Variants in CNTN4 observed in about 807,000 individuals in gnomAD.
CNTN4 encodes the protein contactin-4.
Under a neutral mutation model 122.5 loss-of-function variants are expected in CNTN4, and 77 were observed. That is an observed-to-expected ratio of 0.63 (90% CI 0.52 to 0.76). The LOEUF (loss-of-function observed/expected upper bound fraction) is 0.76. Among genes scored for constraint, CNTN4 ranks in the 30% least tolerant of loss-of-function variants. The pLI, the probability that CNTN4 is intolerant of heterozygous loss-of-function variation, is 0.00. For synonymous variants in CNTN4, 512 were observed against 447.0 expected, an observed-to-expected ratio of 1.15 and a Z score of -1.83; for missense variants, 1,256 against 1,259.1, an observed-to-expected ratio of 1.00 and a Z score of 0.04.
chr3:2,639,424 CCTT>C (rs1359275866), intron 4 of CNTN4, among the ~76,000 whole-genome samples: 2 of 152,174 alleles, frequency 1.3e-5, no homozygotes, highest in African/African-American at 4.8e-5. Flanking sequence ...TCAGACCTCA[CCTT>C]CTTAATGAAG....
chr3:2,275,538 AAATTCAC>A (rs2041472861), intron 2 of CNTN4, among the ~76,000 whole-genome samples: 4 of 152,152 alleles, frequency 2.6e-5, no homozygotes, highest in Admixed American at 2.6e-4. Context: ...TATTAATGTG[AAATTCAC>A]AATTATATAT....
chr3:2,405,532 A>G (rs1398433869), intron 3 of CNTN4, among the ~76,000 whole-genome samples: 1 of 152,174 alleles, frequency 6.6e-6, no homozygotes, highest in Non-Finnish European at 1.5e-5. Flanking sequence ...ATTAATAACT[A>G]TAGTTATTTA....
At chr3:2,405,586 T>G (rs1223255708) in intron 3 of CNTN4, among the ~76,000 whole-genome samples, 1 of 122,326 alleles carries the variant, frequency 8.2e-6, no homozygotes, top group African/African-American at 2.9e-5. Context: ...CCCATACTGT[T>G]ATAGATAGGT....
In CNTN4 at chr3:2,270,242, C is replaced by T. The variant is rs2041236994; in HGVS notation, c.-144-68936C>T. On this transcript the variant is annotated intron_variant, in intron 2 of 24. Coordinates refer to ENST00000418658, the MANE Select transcript of CNTN4 (RefSeq NM_175607.3). ...GGGATTACAGGCGTGAGCCACCGCG[C>T]CCGGCCTATTTATTTATTTACTTTA... 5.5e-5 allele frequency among the ~76,000 whole-genome samples: 2 copies of T among 36,622 alleles called. 1 individual carries two copies. 24.0% of individuals were successfully genotyped at this position (36,622 alleles called of 152,430 possible).
At chr3:2,300,802 C>T (rs2150068341) in intron 2 of CNTN4, among the ~76,000 whole-genome samples, 1 of 151,996 alleles carries the variant, frequency 6.6e-6, no homozygotes, top group African/African-American at 2.4e-5. Context: ...ATCAACAGAC[C>T]TTGTGATCCA....
intron 14 of CNTN4, among the ~76,000 whole-genome samples, chr3:3,004,468 G>A (rs1276703900): frequency 2.0e-5 from 3 of 152,176 alleles, no homozygotes; most frequent in Non-Finnish European, 4.4e-5. Flanking sequence ...CAGAGTTACT[G>A]GACAGAGAAG....
chr3:2,644,004 C>T (rs761254983), intron 4 of CNTN4, among the ~76,000 whole-genome samples: 1 of 152,194 alleles, frequency 6.6e-6, no homozygotes, highest in Non-Finnish European at 1.5e-5. Context: ...CACAGTCTGA[C>T]TGGTGTTGAT....
intron 8 of CNTN4, among the ~76,000 whole-genome samples, chr3:2,880,721 C>T (rs770055972): frequency 2.6e-5 from 4 of 152,130 alleles, no homozygotes; most frequent in Non-Finnish European, 4.4e-5. Context: ...TTATTCATTT[C>T]GTGGTGAGAG....
At chr3:2,801,977 T>C (rs1348232818) in intron 6 of CNTN4, among the ~76,000 whole-genome samples, 1 of 152,230 alleles carries the variant, frequency 6.6e-6, no homozygotes, top group Non-Finnish European at 1.5e-5. Flanking sequence ...TAAAAATAAG[T>C]ACTATAAAAA....
At chr3:2,155,395 C>T (rs1041062021) in intron 2 of CNTN4, among the ~76,000 whole-genome samples, 6 of 152,124 alleles carry the variant, frequency 3.9e-5, no homozygotes, top group Non-Finnish European at 8.8e-5. Context: ...TTGGTGAGAT[C>T]GGAGACATTG....
chr3:2,583,326 G>A (rs1037374814), intron 4 of CNTN4, among the ~76,000 whole-genome samples: 1 of 152,178 alleles, frequency 6.6e-6, no homozygotes, highest in Non-Finnish European at 1.5e-5. Flanking sequence ...ACCTATCTTG[G>A]GGGAGGGTGA....
intron 6 of CNTN4, among the ~76,000 whole-genome samples, chr3:2,752,650 T>C (rs4684351): frequency 0.87 from 132,430 of 152,178 alleles, 58,032 homozygotes; most frequent in Non-Finnish European, 0.93. Context: ...CGTGCCCAGC[T>C]GAGTAAATTG....
intron 4 of CNTN4, among the ~76,000 whole-genome samples, chr3:2,630,209 C>T (rs981141605): frequency 3.9e-5 from 6 of 152,120 alleles, no homozygotes; most frequent in East Asian, 1.9e-4. Flanking sequence ...CCAAGGCTGG[C>T]GGATCACTTG....
rs1304254664 is a variant in CNTN4, at chr3:2,591,574, C to T, written c.55+20016C>T. ...AGAGACGGGGTTTCACCGTTTTAGC[C>T]AGGATGGTCTCGATCTCCTGACCTC... is the stretch of plus-strand genomic sequence containing the variant. On this transcript the variant is annotated intron_variant, in intron 4 of 24. Coordinates refer to ENST00000418658, the MANE Select transcript of CNTN4 (RefSeq NM_175607.3). 8.6e-4 allele frequency among the ~76,000 whole-genome samples: 45 copies of T among 52,402 alleles called. 10 individuals carry two copies. Among genetic ancestry groups the T allele is most frequent in the Non-Finnish European group, 2.0e-3 (43 of 21,124 alleles). 34.4% of individuals were successfully genotyped at this position (52,402 alleles called of 152,430 possible).
At position 2,815,873 on chromosome 3, in the gene CNTN4, C is replaced by CATATATAT. The variant is rs58111735; in HGVS notation, c.359-3602_359-3595dup. ...CAATAAGTGGCTAAAGAAACTATGG[C>CATATATAT]ATATATATATATATATATGATGGAA... On this transcript the variant is annotated intron_variant, in intron 6 of 24. Transcript: ENST00000418658. Among the ~76,000 whole-genome samples the CATATATAT allele has an allele frequency of 5.0e-4, 71 of 141,276 alleles. 1 individual carries two copies. Among genetic ancestry groups the CATATATAT allele is most frequent in the East Asian group, 1.8e-3 (9 of 5,074 alleles). The allele number at this position is 141,276 out of a possible 152,430, so 92.7% of individuals were successfully genotyped here. A position where few individuals can be genotyped will look rare whatever the true frequency, so the allele number is the denominator to read the frequency against.
At chr3:2,117,859 G>T (rs950509147) in intron 2 of CNTN4, among the ~76,000 whole-genome samples, 1 of 152,120 alleles carries the variant, frequency 6.6e-6, no homozygotes, top group Non-Finnish European at 1.5e-5. Context: ...TTAACAATGT[G>T]TCCCACATCA....
chr3:2,441,669 C>G (rs2048445549), intron 3 of CNTN4, among the ~76,000 whole-genome samples: 2 of 152,146 alleles, frequency 1.3e-5, no homozygotes, highest in South Asian at 2.1e-4. Context: ...TTACTTAGCC[C>G]TGCAGTGTGA....
chr3:2,512,041 T>C (rs2076901800), intron 3 of CNTN4, among the ~76,000 whole-genome samples: 1 of 152,116 alleles, frequency 6.6e-6, no homozygotes, highest in South Asian at 2.1e-4. Flanking sequence ...GTAAAACTAA[T>C]ATATATATAA....
chr3:2,880,060 A>C (rs1198536994), intron 8 of CNTN4, among the ~76,000 whole-genome samples: 1 of 152,192 alleles, frequency 6.6e-6, no homozygotes, highest in East Asian at 1.9e-4. Flanking sequence ...GGACGCGGAG[A>C]TAACAGTTCA....
Sources: allele counts gnomAD v4.1 joint callset (sites outside exome capture counted in the v4.1 genomes callset), GRCh38; gene constraint gnomAD v4.1.1; transcripts MANE v1.5; gene names NCBI Gene and HGNC (gene_info 2026-07-23, HGNC 2026-07-21).